The following NKAIN2 variants were observed in gnomAD, a reference collection of about 807,000 sequenced individuals.
NKAIN2 encodes sodium/potassium transporting ATPase interacting 2, also known as sodium/potassium-transporting ATPase subunit beta-1-interacting protein 2.
In NKAIN2, 14 loss-of-function variants were observed where a neutral mutation model predicts 32.6. The observed-to-expected ratio is 0.43, with a 90% CI of 0.28 to 0.67. The LOEUF is 0.67. Ranked by LOEUF, NKAIN2 falls within the 30% of genes least tolerant of loss-of-function variation. The probability of loss-of-function intolerance (pLI) is 0.17; values close to 1 mark genes in which losing one functional copy is unlikely to be tolerated. For missense variants in NKAIN2, 198 were observed against 258.3 expected, an observed-to-expected ratio of 0.77 and a Z score of 1.60; for synonymous variants, 80 against 87.2, an observed-to-expected ratio of 0.92 and a Z score of 0.46.
intron 1 of NKAIN2, among the ~76,000 whole-genome samples, chr6:124,085,759 G>T (rs2114917078): frequency 6.6e-6 from 1 of 152,016 alleles, no homozygotes; most frequent in East Asian, 1.9e-4. Flanking sequence ...GAAGAGCTCT[G>T]CAATGTGTCT....
At chr6:124,109,705 C>T (rs78825695) in intron 1 of NKAIN2, among the ~76,000 whole-genome samples, 3,273 of 152,038 alleles carry the variant, frequency 0.022, 113 homozygotes, top group African/African-American at 0.074. Flanking sequence ...GACAAGCTTT[C>T]TGTTCTTGTT....
At chr6:124,656,680 G>C (rs1034952774) in intron 3 of NKAIN2, among the ~76,000 whole-genome samples, 2 of 151,922 alleles carry the variant, frequency 1.3e-5, no homozygotes, top group African/African-American at 2.4e-5. Flanking sequence ...CCTAAGAATA[G>C]GTGATGGTAA....
intron 3 of NKAIN2, among the ~76,000 whole-genome samples, chr6:124,440,725 A>T (rs1775652397): frequency 6.6e-6 from 1 of 152,062 alleles, no homozygotes; most frequent in South Asian, 2.1e-4. Flanking sequence ...GTAGTCTCTT[A>T]GAATGAGAAG....
chr6:124,240,979 C>A (rs768739906), intron 1 of NKAIN2, among the ~76,000 whole-genome samples: 15 of 152,008 alleles, frequency 9.9e-5, no homozygotes, highest in Admixed American at 4.6e-4. Flanking sequence ...ACATGATTGT[C>A]TATTTAGAAA....
At chr6:124,073,650 C>T (rs191702663) in intron 1 of NKAIN2, among the ~76,000 whole-genome samples, 1 of 152,144 alleles carries the variant, frequency 6.6e-6, no homozygotes, top group Non-Finnish European at 1.5e-5. Context: ...ACCTACAACA[C>T]TTTCTACCCT....
intron 1 of NKAIN2, among the ~76,000 whole-genome samples, chr6:124,110,145 T>C (rs980263726): frequency 7.2e-5 from 11 of 151,808 alleles, no homozygotes; most frequent in Admixed American, 5.9e-4. Context: ...TTTTCTTTTT[T>C]TTTTTTTTCC....
intron 1 of NKAIN2, among the ~76,000 whole-genome samples, chr6:124,216,964 A>G (rs1791512102): frequency 6.6e-6 from 1 of 152,188 alleles, no homozygotes; most frequent in Non-Finnish European, 1.5e-5. Flanking sequence ...ACAAGAATTG[A>G]CTGTATATTA....
At chr6:124,625,183 GAA>G (rs1783266771) in intron 3 of NKAIN2, among the ~76,000 whole-genome samples, 1 of 12,116 alleles carries the variant, frequency 8.3e-5, no homozygotes, top group Non-Finnish European at 1.4e-4. Flanking sequence ...AATTATCAAA[GAA>G]AGAATATGAA....
intron 5 of NKAIN2, among the ~76,000 whole-genome samples, chr6:124,796,325 C>T (rs1038614532): frequency 1.2e-4 from 18 of 152,154 alleles, no homozygotes; most frequent in Non-Finnish European, 1.0e-4. Flanking sequence ...ATCCTTATGA[C>T]CCCATTTAAC....
rs546483695 is a variant in NKAIN2, at chr6:124,396,411, A to G, written c.273+41064A>G. Reference sequence around the variant, plus strand: ...AAAAAACACAAAAGGAATAATGAATAAGACCTGCTATTTGATTAAAAAAAA... The same window carrying G: ...AAAAAACACAAAAGGAATAATGAATGAGACCTGCTATTTGATTAAAAAAAA... On this transcript the variant is annotated intron_variant, in intron 3 of 6. Transcript: ENST00000368417. Among the ~76,000 whole-genome samples the G allele has an allele frequency of 2.3e-3, 340 of 150,594 alleles. 1 individual carries two copies. The highest frequency in any genetic ancestry group is 8.0e-3 in the African/African-American group (327 of 40,974).
intron 4 of NKAIN2, among the ~76,000 whole-genome samples, chr6:124,720,352 AG>A (rs1335070670): frequency 6.6e-6 from 1 of 152,154 alleles, no homozygotes. Flanking sequence ...TTGACAAGTT[AG>A]TTGTTGTTTT....
At chr6:124,341,387 C>T (rs1562499658) in intron 2 of NKAIN2, among the ~76,000 whole-genome samples, 1 of 151,948 alleles carries the variant, frequency 6.6e-6, no homozygotes, top group Admixed American at 6.6e-5. Context: ...ACATATTAAA[C>T]CATATATTCA....
chr6:124,344,577 T>G (rs1355979432), intron 2 of NKAIN2, among the ~76,000 whole-genome samples: 1 of 151,904 alleles, frequency 6.6e-6, no homozygotes, highest in Admixed American at 6.6e-5. Context: ...CCTAAGTATT[T>G]TATTCTCTTT....
At chr6:124,053,213 G>A (rs1015677744) in intron 1 of NKAIN2, among the ~76,000 whole-genome samples, 10 of 151,870 alleles carry the variant, frequency 6.6e-5, no homozygotes, top group African/African-American at 1.2e-4. Context: ...CCTAATACCC[G>A]TTAGTTATTT....
intron 3 of NKAIN2, among the ~76,000 whole-genome samples, chr6:124,481,637 A>G (rs142703487): frequency 6.4e-4 from 98 of 152,246 alleles, no homozygotes; most frequent in African/African-American, 2.3e-3. Flanking sequence ...GAGATTAGTG[A>G]GATATTATTT....
At chr6:124,061,872 T>C in intron 1 of NKAIN2, among the ~76,000 whole-genome samples, 1 of 152,144 alleles carries the variant, frequency 6.6e-6, no homozygotes, top group East Asian at 1.9e-4. Flanking sequence ...ATCCTTGCCC[T>C]TTAAAAAATG....
chr6:124,286,624 T>G (rs1237575647), intron 2 of NKAIN2, among the ~76,000 whole-genome samples: 3 of 151,574 alleles, frequency 2.0e-5, no homozygotes, highest in Non-Finnish European at 2.9e-5. Flanking sequence ...TACCCATTTT[T>G]GTTTTCTGTT....
chr6:124,807,473 G>A (rs992270556), intron 5 of NKAIN2, among the ~76,000 whole-genome samples: 1 of 151,350 alleles, frequency 6.6e-6, no homozygotes, highest in African/African-American at 2.4e-5. Flanking sequence ...AAGAATCTCT[G>A]GGACGCATTC....
Position 124,824,787 on chromosome 6 carries a change from G to C in NKAIN2, c.*1558G>C, listed in dbSNP as rs533701970. 6.6e-6 allele frequency: 1 copy of C among 152,146 alleles called. No individual in the cohort carries two copies. Among genetic ancestry groups the C allele is most frequent in the African/African-American group, 2.4e-5 (1 of 41,438 alleles). 9.4% of individuals were successfully genotyped at this position (152,146 alleles called of 1,614,324 possible). On this transcript the variant is annotated 3_prime_UTR_variant, in exon 7 of 7. Coordinates refer to ENST00000368417, the MANE Select transcript of NKAIN2 (RefSeq NM_001040214.3). ...TTTCTTTGATTTCTATGAAGTTTCA[G>C]TTATTGGATTAAACTACTTTAGACC... is the stretch of plus-strand genomic sequence containing the variant.
Sources: gnomAD v4.1 joint callset for allele counts (sites outside exome capture counted in the v4.1 genomes callset) on GRCh38, gnomAD v4.1.1 for gene constraint, MANE v1.5 for transcripts, NCBI Gene and HGNC (gene_info 2026-07-23, HGNC 2026-07-21) for gene names.